The following ARHGAP21 variants were observed in gnomAD, a reference collection of about 807,000 sequenced individuals.
ARHGAP21 encodes rho GTPase-activating protein 21.
Under a neutral mutation model 164.6 loss-of-function variants are expected in ARHGAP21, and 38 were observed. The observed-to-expected ratio is 0.23, with a 90% CI of 0.18 to 0.30. The LOEUF (loss-of-function observed/expected upper bound fraction) is 0.30, where lower values mean the gene tolerates loss of function less well. Ranked by LOEUF, ARHGAP21 falls within the 10% of genes least tolerant of loss-of-function variation. The probability of loss-of-function intolerance (pLI) is 1.00; values close to 1 mark genes in which losing one functional copy is unlikely to be tolerated. For synonymous variants in ARHGAP21, 766 were observed against 857.9 expected, an observed-to-expected ratio of 0.89 and a Z score of 1.87; for missense variants, 1,822 against 2,370.7, an observed-to-expected ratio of 0.77 and a Z score of 4.81.
chr10:24,701,247 G>A (rs1230979175), intron 2 of ARHGAP21, among the ~76,000 whole-genome samples: 3 of 152,124 alleles, frequency 2.0e-5, no homozygotes, highest in Non-Finnish European at 4.4e-5. Flanking sequence ...AGGGAGAGAG[G>A]GAACTTCACT....
intron 2 of ARHGAP21, among the ~76,000 whole-genome samples, chr10:24,706,849 T>C (rs756425179): frequency 3.9e-5 from 6 of 152,272 alleles, no homozygotes; most frequent in Non-Finnish European, 7.3e-5. Flanking sequence ...TTATTTAATT[T>C]GTAAAAGGTT....
chr10:24,688,262 G>A (rs565614690), intron 2 of ARHGAP21, among the ~76,000 whole-genome samples: 14 of 152,064 alleles, frequency 9.2e-5, no homozygotes, highest in Non-Finnish European at 1.8e-4. Context: ...GTGGTGGCGT[G>A]CCATCTGTAA....
Position 24,620,348 on chromosome 10 carries a change from G to A in ARHGAP21, c.1547C>T (p.Pro516Leu). Reference protein sequence around the residue: ...LENVNSGTPIPDSNGEKKQTY... With the variant: ...LENVNSGTPILDSNGEKKQTY... The stretch of plus-strand genomic sequence containing the variant: ...CTGTTTTTTCTCTCCATTGGAATCA[G>A]GTATTGGAGTTCCAGAATTGACATT... Residue 516 changes from proline (P) to leucine (L), a missense_variant, in exon 9 of 26, where the codon CCT (proline) becomes CTT (leucine). Physicochemically the swap from Pro to Leu is moderately conservative, Grantham distance 98. Coordinates refer to ENST00000396432, the MANE Select transcript of ARHGAP21 (RefSeq NM_020824.4). 24 of 1,613,832 alleles carry A rather than the reference G, an allele frequency of 1.5e-5. No individual in the cohort carries two copies. The highest frequency in any genetic ancestry group is 2.0e-5 in the Non-Finnish European group (24 of 1,179,842).
At position 24,679,311 on chromosome 10, in the gene ARHGAP21, G is replaced by A. The variant is rs144926136; in HGVS notation, c.64-8914C>T. Among the ~76,000 whole-genome samples, 828 of 152,306 alleles carry A rather than the reference G, an allele frequency of 5.4e-3. 4 individuals carry two copies. The highest frequency in any genetic ancestry group is 9.7e-3 in the Non-Finnish European group (658 of 68,020). On this transcript the variant is annotated intron_variant, in intron 2 of 25. Coordinates refer to ENST00000396432, the MANE Select transcript of ARHGAP21 (RefSeq NM_020824.4). The stretch of plus-strand genomic sequence containing the variant: ...TGAAGGCCTACTTCCTAAATAGGCC[G>A]CACATTCTTGATTACATGGTGGAAG...
chr10:24,682,360 T>C (rs1841850820), intron 2 of ARHGAP21, among the ~76,000 whole-genome samples: 1 of 152,256 alleles, frequency 6.6e-6, no homozygotes, highest in South Asian at 2.1e-4. Context: ...GTGATGGAGC[T>C]AGCCCATGCT....
intron 9 of ARHGAP21, among the ~76,000 whole-genome samples, chr10:24,612,554 T>C (rs1299760448): frequency 1.3e-5 from 2 of 152,178 alleles, no homozygotes; most frequent in Non-Finnish European, 2.9e-5. Context: ...ATGGATTCTG[T>C]GTCTTAAAAA....
intron 2 of ARHGAP21, among the ~76,000 whole-genome samples, chr10:24,683,261 A>T (rs2131911400): frequency 6.6e-6 from 1 of 152,232 alleles, no homozygotes; most frequent in South Asian, 2.1e-4. Context: ...ATTTACTTGG[A>T]CATTCATTTA....
chr10:24,662,273 A>G (rs749816743), intron 4 of ARHGAP21, among the ~76,000 whole-genome samples: 3 of 152,188 alleles, frequency 2.0e-5, no homozygotes, highest in African/African-American at 4.8e-5. Context: ...TATTTTTAAA[A>G]TAAAATTAAA....
At chr10:24,666,552 T>G (rs750610054) in intron 4 of ARHGAP21, among the ~76,000 whole-genome samples, 3 of 152,208 alleles carry the variant, frequency 2.0e-5, no homozygotes, top group Non-Finnish European at 4.4e-5. Context: ...TTTACGTTCA[T>G]TAATGTTTAA....
intron 6 of ARHGAP21, among the ~76,000 whole-genome samples, chr10:24,631,434 GC>G (rs1565060561): frequency 6.6e-6 from 1 of 152,024 alleles, no homozygotes; most frequent in Non-Finnish European, 1.5e-5. Flanking sequence ...TCCACCAAAT[GC>G]TTCAACAGCT....
chr10:24,615,398 G>A (rs759180172), intron 9 of ARHGAP21, among the ~76,000 whole-genome samples: 1 of 152,196 alleles, frequency 6.6e-6, no homozygotes, highest in Non-Finnish European at 1.5e-5. Flanking sequence ...TGGGGTAAGA[G>A]GGAGGAGGAG....
chr10:24,642,297 C>T (rs996719400), intron 4 of ARHGAP21, among the ~76,000 whole-genome samples: 12 of 151,952 alleles, frequency 7.9e-5, no homozygotes, highest in African/African-American at 2.7e-4. Flanking sequence ...GGGCGGATCA[C>T]GAGGTCAGGA....
In ARHGAP21 at chr10:24,585,075, T is replaced by C. The variant is rs772580600; in HGVS notation, c.5214A>G (p.Lys1738=). 32 of 1,613,692 alleles carry C rather than the reference T, an allele frequency of 2.0e-5. No homozygotes were observed. The highest frequency in any genetic ancestry group is 2.5e-5 in the Non-Finnish European group (30 of 1,179,842). Residue 1738 remains lysine (K), a synonymous_variant, in exon 26 of 26, where the codon AAA becomes AAG. Transcript: ENST00000396432. ...PSLTKVFDVM[K]KGKSTGSLLT... ...GTAAACTCCCAGTTGACTTTCCTTT[T>C]TTCATAACATCAAACACTTTAGTTA...
rs2130758617 is a variant in ARHGAP21, at chr10:24,590,787, G to T, written c.4150+438C>A. On this transcript the variant is annotated intron_variant, in intron 24 of 25. Transcript: ENST00000396432. ...AATGGTGCCCATTACCAGTTCAACA[G>T]ATTTAACTTGCTGCTTTTAAACAGA... 5.1e-6 allele frequency: 5 copies of T among 985,300 alleles called. No individual in the cohort carries two copies. The South Asian group carries it at 2.4e-4, about 46-fold the overall frequency. 61.0% of individuals were successfully genotyped at this position (985,300 alleles called of 1,614,324 possible).
chr10:24,638,405 G>C (rs1444735565), intron 4 of ARHGAP21, among the ~76,000 whole-genome samples: 1 of 152,150 alleles, frequency 6.6e-6, no homozygotes, highest in South Asian at 2.1e-4. Flanking sequence ...CCGCAATTTT[G>C]CCAGAACTGG....
At chr10:24,650,265 G>A (rs895989181) in intron 4 of ARHGAP21, among the ~76,000 whole-genome samples, 1 of 152,182 alleles carries the variant, frequency 6.6e-6, no homozygotes, top group African/African-American at 2.4e-5. Flanking sequence ...CAACTACTCA[G>A]GAGGCTGAGG....
chr10:24,596,939 T>C, intron 16 of ARHGAP21, 57 bp from the exon 17 acceptor site: 1 of 1,542,592 alleles, frequency 6.5e-7, no homozygotes, highest in Non-Finnish European at 8.7e-7. Context: ...AGTGTCTAAA[T>C]CATGACTTTA....
intron 9 of ARHGAP21, among the ~76,000 whole-genome samples, chr10:24,608,235 T>C (rs1173553025): frequency 2.0e-5 from 3 of 152,202 alleles, no homozygotes. Flanking sequence ...TGTAACACCC[T>C]GAAAGAATTA....
Position 24,641,646 on chromosome 10 carries a change from A to C in ARHGAP21, c.269-6543T>G, listed in dbSNP as rs190958526. Among the ~76,000 whole-genome samples, 195 of 152,364 alleles carry C rather than the reference A, an allele frequency of 1.3e-3. 4 individuals carry two copies. The highest frequency in any genetic ancestry group is 3.4e-3 in the Middle Eastern group (1 of 294). The stretch of plus-strand genomic sequence containing the variant: ...TTTGTTTAATATAAAAAAGCAAACC[A>C]TGTTCTAACTGAATCATGCTAACCT... On this transcript the variant is annotated intron_variant, in intron 4 of 25. Coordinates refer to ENST00000396432, the MANE Select transcript of ARHGAP21 (RefSeq NM_020824.4).
Sources: allele counts gnomAD v4.1 joint callset (sites outside exome capture counted in the v4.1 genomes callset), GRCh38; gene constraint gnomAD v4.1.1; transcripts MANE v1.5; gene names NCBI Gene and HGNC (gene_info 2026-07-23, HGNC 2026-07-21).